NFAT5: variants seen among roughly 807,000 people sequenced by gnomAD.
NFAT5 encodes nuclear factor of activated T-cells 5.
In NFAT5, 31 loss-of-function variants were observed where a neutral mutation model predicts 166.5. The ratio of observed to expected loss-of-function variants is 0.19; its 90% CI spans 0.14 to 0.25. The LOEUF (loss-of-function observed/expected upper bound fraction) is 0.25, where lower values mean the gene tolerates loss of function less well. Ranked by LOEUF, NFAT5 falls within the 10% of genes least tolerant of loss-of-function variation. The probability of loss-of-function intolerance (pLI) is 1.00; values close to 1 mark genes in which losing one functional copy is unlikely to be tolerated. For missense variants in NFAT5, 1,449 were observed against 1,821.8 expected (o/e 0.80, Z 3.72); for synonymous variants, 612 against 639.7 (o/e 0.96, Z 0.65).
In NFAT5 at chr16:69,695,155, C is replaced by T. The variant is rs373621668; in HGVS notation, c.4434C>T (p.Thr1478=). 11 of 1,614,000 alleles carry T rather than the reference C, an allele frequency of 6.8e-6. No individual in the cohort carries two copies. Among genetic ancestry groups the T allele is most frequent in the East Asian group, 2.2e-5 (1 of 44,904 alleles). ...CTGCAGACTGTAGTCAGCTTTTAAC[C>T]TCTGGACCAGCTACATTGCCTGATC... ...GIQNNCSQLL[T]SGPATLPDQL... is the part of the protein sequence containing the mutation. The change falls in exon 14 of 15, where the codon ACC becomes ACT. Residue 1478 remains threonine, a synonymous_variant. Transcript: ENST00000349945.
intron 11 of NFAT5, among the ~76,000 whole-genome samples, chr16:69,688,212 A>AATAAAC (rs531424757): frequency 8.0e-6 from 1 of 124,742 alleles, no homozygotes; most frequent in African/African-American, 3.7e-5. Context: ...CAAAAAAAAA[A>AATAAAC]AAAAAAAAAA....
intron 2 of NFAT5, among the ~76,000 whole-genome samples, chr16:69,599,997 G>A (rs1198970774): frequency 2.0e-5 from 3 of 152,164 alleles, no homozygotes; most frequent in African/African-American, 7.2e-5. Context: ...AGATAATAAA[G>A]TGTAAGAGTA....
At chr16:69,616,071 T>C (rs1392662059) in intron 2 of NFAT5, among the ~76,000 whole-genome samples, 2 of 152,050 alleles carry the variant, frequency 1.3e-5, no homozygotes, top group Admixed American at 1.3e-4. Flanking sequence ...CCGATAGATG[T>C]CTTCCCTACC....
At chr16:69,689,872 C>T (rs1010985616) in intron 11 of NFAT5, among the ~76,000 whole-genome samples, 51 of 152,154 alleles carry the variant, frequency 3.4e-4, no homozygotes, top group African/African-American at 1.2e-3. Flanking sequence ...CTGACAACAA[C>T]AACAAAAATT....
rs2035466318 is a variant in NFAT5 at position 69,647,068 on chromosome 16, T to C, written c.294T>C (p.Ala98=). ...SAPSSSSMGG[A]CSSFTTSSSP... is the part of the protein sequence containing the mutation. Reference sequence around the variant, plus strand: ...CCTCCTCTTCCTCCATGGGCGGTGCTTGCAGCTCCTTTACCACCTCTTCCA... The same window carrying C: ...CCTCCTCTTCCTCCATGGGCGGTGCCTGCAGCTCCTTTACCACCTCTTCCA... Residue 98 remains alanine, a synonymous_variant, in exon 4 of 15, where the codon GCT becomes GCC. Transcript: ENST00000349945. The surrounding 1 kb of genome is among the most constrained non-coding windows in gnomAD (Gnocchi z 4.8). The C allele has an allele frequency of 1.2e-5, 19 of 1,603,428 alleles. No individual in the cohort carries two copies. Among genetic ancestry groups the C allele is most frequent in the Non-Finnish European group, 1.5e-5 (18 of 1,172,924 alleles).
chr16:69,695,605 A>G, intron 14 of NFAT5: 1 of 413,330 alleles, frequency 2.4e-6, no homozygotes, highest in South Asian at 3.8e-5. Context: ...GCACTTTGAG[A>G]GACCAAGGTG....
rs186723342 is a variant in NFAT5 at position 69,677,692 on chromosome 16, G to T, written c.1690+357G>T. Among the ~76,000 whole-genome samples, 23 of 152,262 alleles carry T rather than the reference G, an allele frequency of 1.5e-4. No homozygotes were observed. The East Asian group carries it at 4.4e-3, about 29-fold the overall frequency. On this transcript the variant is annotated intron_variant, in intron 10 of 14. Coordinates refer to ENST00000349945, the MANE Select transcript of NFAT5 (RefSeq NM_138713.4). ...ACTTTGGGAAATTGCTAATAGTTTA[G>T]TTTGGCTGGTTTATAGGGTACATTT...
At chr16:69,638,599 G>T (rs1421467100) in intron 3 of NFAT5, among the ~76,000 whole-genome samples, 3 of 151,948 alleles carry the variant, frequency 2.0e-5, no homozygotes, top group Admixed American at 2.0e-4. Context: ...AGCCAGAGGT[G>T]GTGGTGGGCG....
chr16:69,649,558 G>C, intron 4 of NFAT5: 1 of 984,098 alleles, frequency 1.0e-6, no homozygotes, highest in Non-Finnish European at 1.2e-6. Flanking sequence ...GAAATGTCCA[G>C]CTTCTTAGGT....
At chr16:69,569,370 G>A (rs180910132) in intron 2 of NFAT5, among the ~76,000 whole-genome samples, 8 of 150,638 alleles carry the variant, frequency 5.3e-5, no homozygotes, top group African/African-American at 1.7e-4. Context: ...TACTTTCTGC[G>A]TTTCAGTTAG....
At position 69,656,023 on chromosome 16, in the gene NFAT5, A is replaced by G. The variant is rs1450942129; in HGVS notation, c.1196+224A>G. Among the ~76,000 whole-genome samples the G allele has an allele frequency of 2.6e-5, 4 of 152,282 alleles. No individual in the cohort carries two copies. In the South Asian group the frequency reaches 6.2e-4, roughly 24 times the overall value. On this transcript the variant is annotated intron_variant, in intron 6 of 14. Transcript: ENST00000349945. ...GGGCCAGGCGCAGTGGCTCATGCCTATAATCCCAGTGCTTTTGGAGTCTGA... is the reference window on the plus strand; with the variant it reads ...GGGCCAGGCGCAGTGGCTCATGCCTGTAATCCCAGTGCTTTTGGAGTCTGA...
At chr16:69,678,689 T>C (rs1031784682) in intron 10 of NFAT5, among the ~76,000 whole-genome samples, 2 of 152,230 alleles carry the variant, frequency 1.3e-5, no homozygotes, top group Non-Finnish European at 2.9e-5. Flanking sequence ...GCTTCTGCCA[T>C]GTTTACCATT....
At chr16:69,657,018 T>G (rs2035909010) in intron 6 of NFAT5, among the ~76,000 whole-genome samples, 1 of 151,942 alleles carries the variant, frequency 6.6e-6, no homozygotes, top group African/African-American at 2.4e-5. Context: ...TTGTAATTAT[T>G]TGTATATTGG....
intron 2 of NFAT5, among the ~76,000 whole-genome samples, chr16:69,591,194 A>C (rs542500369): frequency 1.3e-5 from 2 of 152,308 alleles, no homozygotes; most frequent in Admixed American, 1.3e-4. Context: ...GGCCTCCCAA[A>C]GTGCTGGGAT....
At chr16:69,588,613 A>G (rs6499235) in intron 2 of NFAT5, among the ~76,000 whole-genome samples, 6,573 of 152,292 alleles carry the variant, frequency 0.043, 483 homozygotes, top group African/African-American at 0.15. Context: ...TCAGATTGCT[A>G]GGCTACTTAC....
intron 10 of NFAT5, among the ~76,000 whole-genome samples, chr16:69,682,186 AT>A (rs71673029): frequency 0.32 from 46,823 of 145,878 alleles, 7,383 homozygotes; most frequent in East Asian, 0.45. Context: ...AAACATTTTA[AT>A]TTTTTTTTTT....
In NFAT5 at chr16:69,647,295, G is replaced by A. The variant is rs2035479568; in HGVS notation, c.521G>A (p.Arg174Gln). The change falls in exon 4 of 15, where the codon CGG (arginine) becomes CAG (glutamine). Residue 174 changes from arginine to glutamine, a missense_variant. Arg to Gln is a conservative substitution (Grantham distance 43). This residue lies in a region of NFAT5 where 115 missense variants were observed against 177.1 expected (regional missense o/e 0.65). Transcript: ENST00000349945. This position sits in a 1 kb window ranked among gnomAD's most constrained non-coding sequence, Gnocchi z 4.8. Reference sequence around the variant, plus strand: ...CCTGAGGACTTGCTGGATAACAGTCGGATGTCCTGCCAGGATGAGGGGTGT... The same window carrying A: ...CCTGAGGACTTGCTGGATAACAGTCAGATGTCCTGCCAGGATGAGGGGTGT... ...PPPEDLLDNS[R>Q]MSCQDEGCGL... 5.6e-6 allele frequency: 9 copies of A among 1,614,158 alleles called. No homozygotes were observed. The highest frequency in any genetic ancestry group is 5.9e-6 in the Non-Finnish European group (7 of 1,180,028).
chr16:69,593,638 T>A (rs1483962860), intron 2 of NFAT5, among the ~76,000 whole-genome samples: 1 of 152,150 alleles, frequency 6.6e-6, no homozygotes, highest in Non-Finnish European at 1.5e-5. Flanking sequence ...AACAAAGTAA[T>A]TTTGAGAACA....
intron 10 of NFAT5, among the ~76,000 whole-genome samples, chr16:69,682,061 C>T (rs1275736082): frequency 6.6e-6 from 1 of 152,142 alleles, no homozygotes; most frequent in Non-Finnish European, 1.5e-5. Flanking sequence ...TCTAACATCC[C>T]ATGGGGCCAT....
Sources: gnomAD v4.1 joint callset for allele counts (sites outside exome capture counted in the v4.1 genomes callset) on GRCh38, gnomAD v4.1.1 for gene constraint, gnomAD v4.1.1 regional missense constraint, Gnocchi (gnomAD v3.1) non-coding constraint, MANE v1.5 for transcripts, NCBI Gene and HGNC (gene_info 2026-07-23, HGNC 2026-07-21) for gene names.